The following CERKL variants were observed in gnomAD, a reference collection of about 807,000 sequenced individuals.
The protein encoded by CERKL is ceramide kinase-like protein.
In CERKL, 61 loss-of-function variants were observed where a neutral mutation model predicts 63.4. The ratio of observed to expected loss-of-function variants is 0.96; its 90% CI spans 0.78 to 1.19. The LOEUF (loss-of-function observed/expected upper bound fraction) is 1.19. Among genes scored for constraint, CERKL ranks in the 50% most tolerant of loss-of-function variants. CERKL has a pLI of 0.00. For synonymous variants in CERKL, 250 were observed against 230.5 expected, an observed-to-expected ratio of 1.08 and a Z score of -0.77; for missense variants, 675 against 655.5, an observed-to-expected ratio of 1.03 and a Z score of -0.33.
chr2:181,586,511 C>A (rs945262086), intron 2 of CERKL, among the ~76,000 whole-genome samples: 2 of 152,042 alleles, frequency 1.3e-5, no homozygotes, highest in Non-Finnish European at 2.9e-5. Flanking sequence ...GTGTAAGCAT[C>A]CCCCAAGTAG....
chr2:181,542,437 A>G (rs891490952), intron 11 of CERKL, among the ~76,000 whole-genome samples: 1 of 152,216 alleles, frequency 6.6e-6, no homozygotes, highest in East Asian at 1.9e-4. Context: ...TGATTTTTAC[A>G]TAGATCTGAT....
chr2:181,552,078 C>T (rs1445996147), intron 5 of CERKL, among the ~76,000 whole-genome samples: 1 of 152,062 alleles, frequency 6.6e-6, no homozygotes, highest in Non-Finnish European at 1.5e-5. Flanking sequence ...CAAATACTTA[C>T]TTTTATGTAG....
chr2:181,613,045 G>A (rs994501130), intron 1 of CERKL, among the ~76,000 whole-genome samples: 2 of 152,046 alleles, frequency 1.3e-5, no homozygotes, highest in Non-Finnish European at 2.9e-5. Flanking sequence ...GTGATTTTCA[G>A]GTATTAGCAA....
At chr2:181,586,956 C>G (rs1684795379) in intron 2 of CERKL, among the ~76,000 whole-genome samples, 1 of 152,128 alleles carries the variant, frequency 6.6e-6, no homozygotes, top group African/African-American at 2.4e-5. Context: ...CAAGTTGTTG[C>G]AAAGATAAAA....
At chr2:181,635,312 T>G (rs1249940095) in intron 1 of CERKL, among the ~76,000 whole-genome samples, 2 of 152,122 alleles carry the variant, frequency 1.3e-5, no homozygotes, top group Non-Finnish European at 2.9e-5. Context: ...TTTCCTCAAA[T>G]ATGAAAAATG....
At chr2:181,647,948 C>G (rs892273415) in intron 1 of CERKL, among the ~76,000 whole-genome samples, 1 of 151,684 alleles carries the variant, frequency 6.6e-6, no homozygotes, top group Non-Finnish European at 1.5e-5. Flanking sequence ...AAGACACAAT[C>G]GAGAGCTTCA....
intron 2 of CERKL, among the ~76,000 whole-genome samples, chr2:181,585,331 C>T (rs566985847): frequency 6.6e-6 from 1 of 152,080 alleles, no homozygotes; most frequent in African/African-American, 2.4e-5. Flanking sequence ...CTTTTAAAAA[C>T]CCCAAATTAA....
intron 1 of CERKL, among the ~76,000 whole-genome samples, chr2:181,628,087 AT>A (rs1686790413): frequency 2.4e-5 from 2 of 81,814 alleles, no homozygotes; most frequent in African/African-American, 1.5e-4. Flanking sequence ...TGCTCAGAAC[AT>A]TTTTTTGTGT....
At chr2:181,595,082 C>T (rs1381927124) in intron 2 of CERKL, among the ~76,000 whole-genome samples, 2 of 152,140 alleles carry the variant, frequency 1.3e-5, no homozygotes, top group Non-Finnish European at 2.9e-5. Context: ...ATCCATTATA[C>T]TCTCATCTAA....
At chr2:181,609,257 T>TC (rs1461233640) in intron 1 of CERKL, among the ~76,000 whole-genome samples, 1 of 87,504 alleles carries the variant, frequency 1.1e-5, no homozygotes, top group Non-Finnish European at 2.1e-5. Context: ...CCCTCCCCCC[T>TC]CCCCCCACCC....
rs544311424 is a variant in CERKL, at chr2:181,548,828, A to G, written c.925T>C (p.Phe309Leu). 6.2e-7 allele frequency: 1 copy of G among 1,614,050 alleles called. No homozygotes were observed. Among genetic ancestry groups the G allele is most frequent in the South Asian group, 1.1e-5 (1 of 91,086 alleles). ...CGAAGAAGCTTGCCAGCGGTGCTGAAGGTGCAGACGTCGACCAGCTGTACA... is the reference window on the plus strand; with the variant it reads ...CGAAGAAGCTTGCCAGCGGTGCTGAGGGTGCAGACGTCGACCAGCTGTACA... ...GHVQLVDVCT[F>L]STAGKLLRFG... is the part of the protein sequence containing the mutation. The change falls in exon 7 of 13, where the codon TTC becomes CTC. Residue 309 changes from phenylalanine (F) to leucine (L), a missense_variant. Physicochemically the swap from Phe to Leu is conservative, Grantham distance 22 (BLOSUM62 0). Coordinates refer to ENST00000410087, the MANE Select transcript of CERKL (RefSeq NM_201548.5).
At chr2:181,640,643 T>C (rs1056789526) in intron 1 of CERKL, among the ~76,000 whole-genome samples, 1 of 152,148 alleles carries the variant, frequency 6.6e-6, no homozygotes, top group Non-Finnish European at 1.5e-5. Context: ...TTACAGAGGG[T>C]ACAAAAACAT....
chr2:181,573,619 A>AG (rs1559084381), intron 3 of CERKL, 134 bp downstream of exon 3: 2 of 571,454 alleles, frequency 3.5e-6, no homozygotes, highest in African/African-American at 3.8e-5. Flanking sequence ...AGCTGGCTGC[A>AG]GTAGGTTATG....
In CERKL at chr2:181,609,533, T is replaced by TAAAAAAAAAAAAAAAAAAAAAAAAAA. The variant is rs869037405; in HGVS notation, c.239-5455_239-5454insTTTTTTTTTTTTTTTTTTTTTTTTTT. ...CACCATGGTGAAACCCTGTCTCTACTAAAAAAAAAAAAAAAAAAAAAAATT... is the reference window on the plus strand; with the variant it reads ...CACCATGGTGAAACCCTGTCTCTACTAAAAAAAAAAAAAAAAAAAAAAAAAAAAAAAAAAAAAAAAAAAAAAAAATT... On this transcript the variant is annotated intron_variant, in intron 1 of 12. Transcript: ENST00000410087. Among the ~76,000 whole-genome samples the TAAAAAAAAAAAAAAAAAAAAAAAAAA allele has an allele frequency of 4.3e-4, 30 of 70,222 alleles. 1 individual carries two copies. The highest frequency in any genetic ancestry group is 1.5e-3 in the East Asian group (2 of 1,372). The allele number at this position is 70,222 out of a possible 152,430, so 46.1% of individuals were successfully genotyped here.
chr2:181,577,106 TGAC>T (rs1684268846), intron 2 of CERKL, among the ~76,000 whole-genome samples: 1 of 152,170 alleles, frequency 6.6e-6, no homozygotes, highest in Non-Finnish European at 1.5e-5. Flanking sequence ...TCCCAGGTGC[TGAC>T]GATGTCTGCA....
intron 1 of CERKL, among the ~76,000 whole-genome samples, chr2:181,655,082 G>A (rs1688100694): frequency 6.6e-6 from 1 of 152,154 alleles, no homozygotes. Flanking sequence ...AAGAAAAAGG[G>A]TACACCTGTA....
chr2:181,613,870 A>G (rs1000768526), intron 1 of CERKL, among the ~76,000 whole-genome samples: 1 of 152,248 alleles, frequency 6.6e-6, no homozygotes, highest in Non-Finnish European at 1.5e-5. Flanking sequence ...TTGATTTTGC[A>G]TATAACTAGT....
chr2:181,587,760 T>C (rs2105870514), intron 2 of CERKL, among the ~76,000 whole-genome samples: 1 of 152,290 alleles, frequency 6.6e-6, no homozygotes, highest in South Asian at 2.1e-4. Flanking sequence ...AACACTTTTA[T>C]GAATATGTTT....
At chr2:181,656,621 C>T (rs1302452785) in intron 1 of CERKL, 148 bp downstream of exon 1, 3 of 679,772 alleles carry the variant, frequency 4.4e-6, no homozygotes, top group African/African-American at 1.9e-5. Flanking sequence ...CTTGGGGACT[C>T]GGTAACCTGT....
Sources: gnomAD v4.1 joint callset for allele counts (sites outside exome capture counted in the v4.1 genomes callset) on GRCh38, gnomAD v4.1.1 for gene constraint, MANE v1.5 for transcripts, NCBI Gene and HGNC (gene_info 2026-07-23, HGNC 2026-07-21) for gene names.